Variants in PDE4D observed in about 807,000 individuals in gnomAD.
The protein encoded by PDE4D is phosphodiesterase 4D.
In PDE4D, 24 loss-of-function variants were observed where a neutral mutation model predicts 87.4. The observed-to-expected ratio is 0.27, with a 90% CI of 0.20 to 0.39. The LOEUF (loss-of-function observed/expected upper bound fraction) is 0.39, where lower values mean the gene tolerates loss of function less well. Ranked by LOEUF, PDE4D falls within the 10% of genes least tolerant of loss-of-function variation. The probability of loss-of-function intolerance (pLI) is 1.00; values close to 1 mark genes in which losing one functional copy is unlikely to be tolerated. For missense variants in PDE4D, 714 were observed against 1,041.0 expected, an observed-to-expected ratio of 0.69 and a Z score of 4.32; for synonymous variants, 384 against 383.2, an observed-to-expected ratio of 1.00 and a Z score of -0.02.
chr5:59,829,552 T>C (rs1740865290), intron 1 of PDE4D, among the ~76,000 whole-genome samples: 1 of 151,962 alleles, frequency 6.6e-6, no homozygotes, highest in South Asian at 2.1e-4. Context: ...GAAAAGTTAC[T>C]CTCATTACAA....
intron 1 of PDE4D, among the ~76,000 whole-genome samples, chr5:59,603,357 CAA>C (rs1295813706): frequency 3.3e-5 from 5 of 151,830 alleles, no homozygotes; most frequent in African/African-American, 4.8e-5. Flanking sequence ...AGACATTTTT[CAA>C]AAGACTTACA....
intron 5 of PDE4D, among the ~76,000 whole-genome samples, chr5:59,156,329 A>ATG (rs1393762751): frequency 6.0e-5 from 8 of 133,508 alleles, no homozygotes; most frequent in East Asian, 4.4e-4. Context: ...AAATATATAT[A>ATG]TATGTGTGTG....
At chr5:60,189,615 A>G (rs1562200647) in intron 1 of PDE4D, among the ~76,000 whole-genome samples, 1 of 152,208 alleles carries the variant, frequency 6.6e-6, no homozygotes, top group Non-Finnish European at 1.5e-5. Context: ...AGGGATTCCA[A>G]TCATCCACAA....
At chr5:60,046,806 A>C (rs1769319720) in intron 2 of PDE4D, among the ~76,000 whole-genome samples, 1 of 152,166 alleles carries the variant, frequency 6.6e-6, no homozygotes, top group Non-Finnish European at 1.5e-5. Context: ...AATGTTCATC[A>C]AGGATATTGG....
intron 3 of PDE4D, among the ~76,000 whole-genome samples, chr5:59,958,384 G>A (rs970854026): frequency 6.6e-5 from 10 of 152,056 alleles, no homozygotes; most frequent in Non-Finnish European, 1.3e-4. Context: ...CCAAGCATGG[G>A]AAAGAGGAAC....
chr5:59,194,504 T>C (rs1745024459), intron 2 of PDE4D, among the ~76,000 whole-genome samples: 1 of 152,182 alleles, frequency 6.6e-6, no homozygotes, highest in Admixed American at 6.5e-5. Context: ...AGGGAGCATA[T>C]GGATGATGTT....
intron 1 of PDE4D, among the ~76,000 whole-genome samples, chr5:59,789,034 C>T (rs1218082202): frequency 6.6e-6 from 1 of 152,202 alleles, no homozygotes; most frequent in Non-Finnish European, 1.5e-5. Flanking sequence ...AATCACTTCA[C>T]TGTTACCTGA....
intron 1 of PDE4D, among the ~76,000 whole-genome samples, chr5:60,408,789 G>A (rs1047130839): frequency 6.6e-6 from 1 of 152,164 alleles, no homozygotes; most frequent in Non-Finnish European, 1.5e-5. Flanking sequence ...TAAAGGGAGA[G>A]AGATATTCTC....
At chr5:59,748,724 A>C (rs943765853) in intron 1 of PDE4D, among the ~76,000 whole-genome samples, 7 of 152,130 alleles carry the variant, frequency 4.6e-5, no homozygotes, top group Non-Finnish European at 1.0e-4. Context: ...TAATGGGTGC[A>C]GCACACCAAC....
At chr5:59,171,818 ATTAT>A (rs1415192016) in intron 5 of PDE4D, among the ~76,000 whole-genome samples, 1 of 130,766 alleles carries the variant, frequency 7.6e-6, no homozygotes, top group Non-Finnish European at 1.6e-5. Flanking sequence ...ATATAATATA[ATTAT>A]TTAATATATA....
intron 1 of PDE4D, among the ~76,000 whole-genome samples, chr5:60,297,545 T>C (rs1177623422): frequency 6.6e-6 from 1 of 152,226 alleles, no homozygotes; most frequent in Non-Finnish European, 1.5e-5. Context: ...CATCTCAATT[T>C]CATCACCAAA....
intron 1 of PDE4D, among the ~76,000 whole-genome samples, chr5:59,770,365 GA>G (rs1260524454): frequency 6.6e-6 from 1 of 152,032 alleles, no homozygotes; most frequent in Non-Finnish European, 1.5e-5. Context: ...ACAATACTTA[GA>G]AAAACATACC....
chr5:59,159,334 T>C (rs1199991110), intron 5 of PDE4D, among the ~76,000 whole-genome samples: 1 of 151,874 alleles, frequency 6.6e-6, no homozygotes, highest in African/African-American at 2.4e-5. Flanking sequence ...GGTTTCATCA[T>C]GTTGCCCAGG....
intron 5 of PDE4D, among the ~76,000 whole-genome samples, chr5:59,144,890 T>TGGG (rs398064847): frequency 2.5e-4 from 11 of 43,772 alleles, no homozygotes; most frequent in South Asian, 1.3e-3. Flanking sequence ...TAGGGTTTAA[T>TGGG]GGGGGGGGGG....
At chr5:59,756,182 G>GT (rs1424235431) in intron 1 of PDE4D, among the ~76,000 whole-genome samples, 14 of 149,428 alleles carry the variant, frequency 9.4e-5, no homozygotes, top group East Asian at 5.9e-4. Flanking sequence ...ACTATGAAGG[G>GT]TTTTTTTTTG....
intron 1 of PDE4D, among the ~76,000 whole-genome samples, chr5:60,268,986 C>G (rs1282295322): frequency 6.6e-6 from 1 of 152,128 alleles, no homozygotes; most frequent in East Asian, 1.9e-4. Flanking sequence ...TCAGAAATAA[C>G]CACTGCTAAC....
intron 2 of PDE4D, among the ~76,000 whole-genome samples, chr5:59,205,687 C>CACAT: frequency 6.6e-6 from 1 of 151,612 alleles, no homozygotes; most frequent in South Asian, 2.1e-4. Context: ...CACACACACA[C>CACAT]ACACACACAC....
intron 1 of PDE4D, among the ~76,000 whole-genome samples, chr5:59,358,600 T>C (rs910413433): frequency 6.6e-6 from 1 of 152,158 alleles, no homozygotes; most frequent in Non-Finnish European, 1.5e-5. Context: ...GAGTTAGCAC[T>C]GAGCTGAACA....
chr5:59,208,991 C>G (rs754083429), intron 2 of PDE4D, among the ~76,000 whole-genome samples: 1 of 152,126 alleles, frequency 6.6e-6, no homozygotes, highest in Admixed American at 6.6e-5. Context: ...CCTGGTCTAT[C>G]TAGGTCATTA....
Sources: gnomAD v4.1 joint callset for allele counts (sites outside exome capture counted in the v4.1 genomes callset) on GRCh38, gnomAD v4.1.1 for gene constraint, MANE v1.5 for transcripts, NCBI Gene and HGNC (gene_info 2026-07-23, HGNC 2026-07-21) for gene names.